Variants in INTS4 observed in about 807,000 individuals in gnomAD.
INTS4 encodes integrator complex subunit 4.
A neutral mutation model predicts 119.5 loss-of-function variants in INTS4; 70 were observed. That is an observed-to-expected ratio of 0.59 (90% CI 0.48 to 0.71). The LOEUF (loss-of-function observed/expected upper bound fraction) is 0.71, where lower values mean the gene tolerates loss of function less well. Among genes scored for constraint, INTS4 ranks in the 30% least tolerant of loss-of-function variants. The pLI is 0.00. For synonymous variants in INTS4, 316 were observed against 419.6 expected, an observed-to-expected ratio of 0.75 and a Z score of 3.02; for missense variants, 867 against 1,173.2, an observed-to-expected ratio of 0.74 and a Z score of 3.81.
chr11:77,972,449 C>T (rs1465501490), intron 4 of INTS4, among the ~76,000 whole-genome samples: 1 of 151,474 alleles, frequency 6.6e-6, no homozygotes, highest in East Asian at 1.9e-4. Flanking sequence ...CAGAGTCTCA[C>T]TCTGTCGCCC....
chr11:77,884,954 C>T (rs1951940017), intron 21 of INTS4: 2 of 212,366 alleles, frequency 9.4e-6, no homozygotes, highest in Admixed American at 4.7e-5. Context: ...GAGACAAGAT[C>T]TTGCTATGTT....
At chr11:77,939,954 G>A (rs1176112965) in intron 9 of INTS4, among the ~76,000 whole-genome samples, 4 of 152,108 alleles carry the variant, frequency 2.6e-5, no homozygotes, top group South Asian at 4.1e-4. Context: ...AGGGTAGCAG[G>A]CATATGGGTA....
chr11:77,929,647 T>C (rs1953597854), intron 10 of INTS4, among the ~76,000 whole-genome samples: 1 of 152,176 alleles, frequency 6.6e-6, no homozygotes, highest in Non-Finnish European at 1.5e-5. Flanking sequence ...GTCTGTTGAT[T>C]GTAGGCTAAA....
chr11:77,921,211 G>C, intron 14 of INTS4, 129 bp downstream of exon 14: 1 of 785,160 alleles, frequency 1.3e-6, no homozygotes. Flanking sequence ...CAGGAGGATG[G>C]CTTAAGCCCA....
intron 13 of INTS4, among the ~76,000 whole-genome samples, chr11:77,921,681 G>A (rs1304203544): frequency 1.3e-5 from 2 of 152,106 alleles, no homozygotes; most frequent in Non-Finnish European, 2.9e-5. Flanking sequence ...AGACTGCCAA[G>A]AATACAAAAA....
Position 77,891,718 on chromosome 11 carries a change from C to T in INTS4, c.2411G>A (p.Arg804Gln), listed in dbSNP as rs375893555. ...EVVKILQTML[R>Q]QSAFLHLPLP... ...CGGGAGATGCAGAAAGGCACTCTGT[C>T]GCAGCATGGTCTGTAGAATTTTGAC... Residue 804 changes from arginine to glutamine, a missense_variant, in exon 20 of 23, where the codon CGA (arginine) becomes CAA (glutamine). Arg to Gln is a conservative substitution (Grantham distance 43). This residue lies in a region of INTS4 where 262 missense variants were observed against 376.0 expected (regional missense o/e 0.70). Coordinates refer to ENST00000534064, the MANE Select transcript of INTS4 (RefSeq NM_033547.4). The T allele has an allele frequency of 3.9e-5, 63 of 1,611,876 alleles. No individual in the cohort carries two copies. The highest frequency in any genetic ancestry group is 1.6e-4 in the East Asian group (7 of 44,892).
intron 14 of INTS4, among the ~76,000 whole-genome samples, chr11:77,920,270 T>TATATAC (rs1953324458): frequency 8.8e-6 from 1 of 114,018 alleles, no homozygotes; most frequent in South Asian, 2.4e-4. Flanking sequence ...TATATACACA[T>TATATAC]ATATATACAC....
At chr11:77,936,423 C>T (rs976753053) in intron 10 of INTS4, among the ~76,000 whole-genome samples, 6 of 152,136 alleles carry the variant, frequency 3.9e-5, no homozygotes, top group African/African-American at 1.4e-4. Context: ...TGCTCTGTCA[C>T]CCAGACTGGA....
At chr11:77,874,894 A>G (rs531951911), downstream of INTS4, among the ~76,000 whole-genome samples, 7 of 152,202 alleles carry the variant, frequency 4.6e-5, no homozygotes, top group Non-Finnish European at 1.0e-4. Context: ...AAAATTAGCC[A>G]GGCGTGGTGG....
chr11:77,882,284 T>C (rs1951824180), intron 22 of INTS4, among the ~76,000 whole-genome samples: 2 of 152,110 alleles, frequency 1.3e-5, no homozygotes. Context: ...TGCAATGAAC[T>C]AGGATACCTT....
chr11:77,885,591 G>A (rs1327293622), intron 21 of INTS4, among the ~76,000 whole-genome samples: 1 of 152,018 alleles, frequency 6.6e-6, no homozygotes, highest in Admixed American at 6.6e-5. Flanking sequence ...GGCTGAGCCA[G>A]GTGGATTACT....
chr11:77,921,072 C>T (rs1456726458), intron 14 of INTS4, among the ~76,000 whole-genome samples: 1 of 151,894 alleles, frequency 6.6e-6, no homozygotes, highest in African/African-American at 2.4e-5. Flanking sequence ...AATGAACAAA[C>T]AAGTTTTCAG....
At position 77,937,274 on chromosome 11, in the gene INTS4, A is replaced by G. The variant is rs183912826; in HGVS notation, c.1165+1377T>C. ...TCAAGAAGCTCAACAAACTCCAAACAAAAGAAACATGACATGAACTGTACT... is the reference window on the plus strand; with the variant it reads ...TCAAGAAGCTCAACAAACTCCAAACGAAAGAAACATGACATGAACTGTACT... On this transcript the variant is annotated intron_variant, in intron 10 of 22. Coordinates refer to ENST00000534064, the MANE Select transcript of INTS4 (RefSeq NM_033547.4). Among the ~76,000 whole-genome samples the G allele has an allele frequency of 5.7e-3, 863 of 152,352 alleles. 3 individuals are homozygous for G. Among genetic ancestry groups the G allele is most frequent in the Non-Finnish European group, 9.3e-3 (631 of 68,038 alleles).
At chr11:77,912,160 G>A (rs536832881) in intron 15 of INTS4, among the ~76,000 whole-genome samples, 214 of 152,118 alleles carry the variant, frequency 1.4e-3, no homozygotes, top group African/African-American at 3.5e-3. Flanking sequence ...TCAGGAGTTC[G>A]AGACCAGCCT....
At chr11:77,947,418 G>A (rs191644495) in intron 8 of INTS4, among the ~76,000 whole-genome samples, 9 of 152,330 alleles carry the variant, frequency 5.9e-5, no homozygotes, top group Non-Finnish European at 1.3e-4. Flanking sequence ...AAATTGTCAA[G>A]AGAATCTCCA....
intron 21 of INTS4, among the ~76,000 whole-genome samples, chr11:77,884,316 A>G (rs949439851): frequency 3.3e-5 from 5 of 152,160 alleles, no homozygotes; most frequent in African/African-American, 9.7e-5. Flanking sequence ...TCCATCACCA[A>G]CCACCAGTAT....
intron 15 of INTS4, among the ~76,000 whole-genome samples, chr11:77,916,462 C>G (rs1953206978): frequency 6.6e-6 from 1 of 152,122 alleles, no homozygotes; most frequent in Non-Finnish European, 1.5e-5. Flanking sequence ...ATCTGTATAT[C>G]TAAACATCAA....
chr11:77,940,478 T>C (rs1407724505), intron 9 of INTS4, among the ~76,000 whole-genome samples: 2 of 152,240 alleles, frequency 1.3e-5, no homozygotes, highest in East Asian at 3.9e-4. Flanking sequence ...ATTTTGTTAC[T>C]GTTTGGAGAA....
intron 10 of INTS4, among the ~76,000 whole-genome samples, chr11:77,933,372 G>A (rs1435220584): frequency 4.3e-5 from 6 of 139,806 alleles, no homozygotes; most frequent in East Asian, 2.1e-4. Context: ...GCAGGCGCGC[G>A]CCGCCACGTC....
Sources: gnomAD v4.1 joint callset for allele counts (sites outside exome capture counted in the v4.1 genomes callset) on GRCh38, gnomAD v4.1.1 for gene constraint, gnomAD v4.1.1 regional missense constraint, MANE v1.5 for transcripts, NCBI Gene and HGNC (gene_info 2026-07-23, HGNC 2026-07-21) for gene names.